Variants in TAB1 observed in about 807,000 individuals in gnomAD.
The protein encoded by TAB1 is TGF-beta activated kinase 1 (MAP3K7) binding protein 1.
In TAB1, 30 loss-of-function variants were observed where a neutral mutation model predicts 54.5. The ratio of observed to expected loss-of-function variants is 0.55; its 90% CI spans 0.41 to 0.75. TAB1 has a LOEUF of 0.75. Among genes scored for constraint, TAB1 ranks in the 30% least tolerant of loss-of-function variants. The pLI is 0.00. For missense variants in TAB1, 609 were observed against 683.2 expected, an observed-to-expected ratio of 0.89 and a Z score of 1.21; for synonymous variants, 289 against 286.9, an observed-to-expected ratio of 1.01 and a Z score of -0.07.
At chr22:39,417,084 G>A (rs1359235815) in intron 4 of TAB1, among the ~76,000 whole-genome samples, 1 of 152,250 alleles carries the variant, frequency 6.6e-6, no homozygotes, top group African/African-American at 2.4e-5. Flanking sequence ...AGCAGTGTCT[G>A]GGCAGTGGTG....
Position 39,426,746 on chromosome 22 carries a change from C to A in TAB1, c.965C>A (p.Ser322Tyr). 5 of 1,613,400 alleles carry A rather than the reference C, an allele frequency of 3.1e-6. No individual in the cohort carries two copies. The highest frequency in any genetic ancestry group is 4.2e-6 in the Non-Finnish European group (5 of 1,179,456). ...MIDTEFAKQTSLDAVAQAVVD... is the reference protein window; with the variant it reads ...MIDTEFAKQTYLDAVAQAVVD... ...GACACTGAGTTTGCCAAGCAGACCT[C>A]CCTGGACGCAGTGGCCCAGGCCGTC... Residue 322 changes from serine to tyrosine, a missense_variant, in exon 9 of 11, where the codon TCC (serine) becomes TAC (tyrosine). By Grantham distance (144) the Ser-to-Tyr change is moderately radical. Coordinates refer to ENST00000216160, the MANE Select transcript of TAB1 (RefSeq NM_006116.3).
Position 39,418,825 on chromosome 22 carries a change from T to C in TAB1, c.644T>C (p.Leu215Pro). Residue 215 changes from leucine (L) to proline (P), a missense_variant, in exon 6 of 11, where the codon CTC becomes CCC. Leu to Pro is a moderately conservative substitution (Grantham distance 98, BLOSUM62 -3). Coordinates refer to ENST00000216160, the MANE Select transcript of TAB1 (RefSeq NM_006116.3). ...VDHTTENEDE[L>P]FRLSQLGLDA... ...CACACCACAGAGAACGAGGATGAGC[T>C]CTTCCGTCTTTCGCAGCTGGGTGAG... The C allele has an allele frequency of 6.2e-7, 1 of 1,613,922 alleles. No individual in the cohort carries two copies.
Position 39,431,667 on chromosome 22 carries a change from TCAG to T in TAB1, c.*1447_*1449del. The T allele has an allele frequency of 1.0e-6, 1 of 985,316 alleles. No individual in the cohort carries two copies. The highest frequency in any genetic ancestry group is 1.7e-5 in the African/African-American group (1 of 57,300). 61.0% of individuals were successfully genotyped at this position (985,316 alleles called of 1,614,324 possible). ...AGCAGAAATGGAAGAAAAACAGGTC[TCAG>T]CCCAGGGTCCTCGCTCACTCCCTCA... On this transcript the variant is annotated 3_prime_UTR_variant, in exon 11 of 11. Coordinates refer to ENST00000216160, the MANE Select transcript of TAB1 (RefSeq NM_006116.3).
intron 5 of TAB1, 80 bp downstream of exon 5, chr22:39,417,929 C>A: frequency 6.6e-7 from 1 of 1,504,492 alleles, no homozygotes; most frequent in Non-Finnish European, 8.9e-7. Context: ...TGACAATCTG[C>A]TTTCCAGACA....
chr22:39,427,922 T>G, intron 9 of TAB1, 99 bp from the exon 10 acceptor site: 1 of 1,253,104 alleles, frequency 8.0e-7, no homozygotes, highest in Non-Finnish European at 1.1e-6. Flanking sequence ...CACTCAGCCC[T>G]CAGGCACCAC....
chr22:39,436,030 G>A (rs575227505), downstream of TAB1, among the ~76,000 whole-genome samples: 47 of 152,322 alleles, frequency 3.1e-4, no homozygotes, highest in Admixed American at 7.2e-4. Flanking sequence ...GGTGGCTCAC[G>A]CCTATAATCC....
At chr22:39,402,172 G>A (rs564091974) in intron 1 of TAB1, among the ~76,000 whole-genome samples, 13 of 152,022 alleles carry the variant, frequency 8.6e-5, no homozygotes, top group African/African-American at 3.1e-4. Context: ...TTCTTGACAC[G>A]TGTGTTTTTG....
intron 1 of TAB1, among the ~76,000 whole-genome samples, chr22:39,406,227 G>A (rs545925434): frequency 7.8e-4 from 119 of 152,084 alleles, no homozygotes; most frequent in African/African-American, 2.5e-3. Context: ...GTGAAACCAC[G>A]TCTCTACTAA....
At chr22:39,419,414 C>T in intron 6 of TAB1, 105 bp from the exon 7 acceptor site, 1 of 904,688 alleles carries the variant, frequency 1.1e-6, no homozygotes, top group Non-Finnish European at 1.7e-6. Flanking sequence ...ATTTCCTATT[C>T]AGTGGGTCCT....
chr22:39,415,206 C>A lies in TAB1; in HGVS notation c.170+64C>A. ...TGGTTGGTTTGCAAGCAAGGAAAGA[C>A]ACCGACCTTGCAGCTTTCTCGTATG... is the stretch of plus-strand genomic sequence containing the variant. On this transcript the variant is annotated intron_variant, in intron 2 of 10. Transcript: ENST00000216160. This position sits in a 1 kb window ranked among gnomAD's most constrained non-coding sequence, Gnocchi z 4.9. 6.6e-7 allele frequency: 1 copy of A among 1,516,836 alleles called. No homozygotes were observed. The allele number at this position is 1,516,836 out of a possible 1,614,324, so 94.0% of individuals were successfully genotyped here.
Position 39,430,615 on chromosome 22 carries a change from C to G in TAB1, c.*393C>G. 1 of 1,104,722 alleles carries G rather than the reference C, an allele frequency of 9.1e-7. No homozygotes were observed. The highest frequency in any genetic ancestry group is 4.2e-5 in the Admixed American group (1 of 23,928). 68.4% of individuals were successfully genotyped at this position (1,104,722 alleles called of 1,614,324 possible). ...CCCAGCAGACCCTGCTGTCCCAAGCCCACCCCTCCTCCCACCATCACCTCC... is the reference window on the plus strand; with the variant it reads ...CCCAGCAGACCCTGCTGTCCCAAGCGCACCCCTCCTCCCACCATCACCTCC... On this transcript the variant is annotated 3_prime_UTR_variant, in exon 11 of 11. Transcript: ENST00000216160.
downstream of TAB1, among the ~76,000 whole-genome samples, chr22:39,435,514 GC>G (rs138540236): frequency 9.8e-4 from 150 of 152,310 alleles, no homozygotes; most frequent in African/African-American, 3.5e-3. Context: ...TACTGCTGGC[GC>G]CCATTTTACA....
Position 39,426,831 on chromosome 22 carries a change from G to A in TAB1, c.1050G>A (p.Arg350=), listed in dbSNP as rs1927366348. The part of the protein sequence containing the change: ...DTFASGGERA[R]FCPRHEDMTL... ...TCGCCAGTGGTGGGGAGCGTGCCAGGTTCTGCCCCCGGCACGAGGACATGA... is the reference window on the plus strand; with the variant it reads ...TCGCCAGTGGTGGGGAGCGTGCCAGATTCTGCCCCCGGCACGAGGACATGA... The change falls in exon 9 of 11, where the codon AGG becomes AGA. Residue 350 remains arginine (R), a synonymous_variant. Transcript: ENST00000216160. 6.2e-7 allele frequency: 1 copy of A among 1,613,658 alleles called. No homozygotes were observed. The highest frequency in any genetic ancestry group is 1.1e-5 in the South Asian group (1 of 91,094).
downstream of TAB1, among the ~76,000 whole-genome samples, chr22:39,436,001 G>A (rs1361370177): frequency 6.6e-6 from 1 of 152,184 alleles, no homozygotes; most frequent in Non-Finnish European, 1.5e-5. Flanking sequence ...AAAATAACTA[G>A]TAGGTTCTGG....
chr22:39,414,706 T>G, intron 1 of TAB1: 8 of 324,346 alleles, frequency 2.5e-5, no homozygotes, highest in Non-Finnish European at 4.1e-5. Context: ...GTCTGCGACA[T>G]TTGTGTGTGT....
chr22:39,402,303 A>G (rs1041918080), intron 1 of TAB1, among the ~76,000 whole-genome samples: 1 of 152,186 alleles, frequency 6.6e-6, no homozygotes, highest in African/African-American at 2.4e-5. Context: ...GGCATGAGCC[A>G]CCGCATCTGG....
rs534450268 is a variant in TAB1 at position 39,417,668 on chromosome 22, T to C, written c.412-43T>C. 3 of 1,530,736 alleles carry C rather than the reference T, an allele frequency of 2.0e-6. No individual in the cohort carries two copies. In the Admixed American group the frequency reaches 6.5e-5, roughly 33 times the overall value. 94.8% of individuals were successfully genotyped at this position (1,530,736 alleles called of 1,614,324 possible). A position where few individuals can be genotyped will look rare whatever the true frequency, so the allele number is the denominator to read the frequency against. On this transcript the variant is annotated intron_variant, in intron 4 of 10. Transcript: ENST00000216160. ...GGAGTGGAGAGGGCTAGGAAGATGG[T>C]CCAGAGTTCTGTCCTGCCCTGACCC...
intron 8 of TAB1, among the ~76,000 whole-genome samples, chr22:39,426,370 T>C (rs1927336153): frequency 6.6e-6 from 1 of 152,124 alleles, no homozygotes; most frequent in Non-Finnish European, 1.5e-5. Context: ...TGACACTTGC[T>C]ACTAGGCTTT....
At chr22:39,426,976 A>G in intron 9 of TAB1, 51 bp downstream of exon 9, 1 of 1,574,016 alleles carries the variant, frequency 6.4e-7, no homozygotes, top group Non-Finnish European at 8.6e-7. Context: ...TCTGGGGGCC[A>G]GAGGTGGGTG....
Sources: gnomAD v4.1 joint callset for allele counts (sites outside exome capture counted in the v4.1 genomes callset) on GRCh38, gnomAD v4.1.1 for gene constraint, Gnocchi (gnomAD v3.1) non-coding constraint, MANE v1.5 for transcripts, NCBI Gene and HGNC (gene_info 2026-07-23, HGNC 2026-07-21) for gene names.